Variants in SLC2A13 observed in about 807,000 individuals in gnomAD.
The protein encoded by SLC2A13 is solute carrier family 2 member 13.
In SLC2A13, 32 loss-of-function variants were observed where a neutral mutation model predicts 64.4. That is an observed-to-expected ratio of 0.50 (90% CI 0.37 to 0.67). The LOEUF is 0.67. SLC2A13 is among the 30% of genes least tolerant of loss of function. The pLI, the probability that SLC2A13 is intolerant of heterozygous loss-of-function variation, is 0.00. For missense variants in SLC2A13, 743 were observed against 829.2 expected, an observed-to-expected ratio of 0.90 and a Z score of 1.28; for synonymous variants, 338 against 327.1, an observed-to-expected ratio of 1.03 and a Z score of -0.36.
intron 6 of SLC2A13, among the ~76,000 whole-genome samples, chr12:39,833,382 A>G (rs1453869864): frequency 2.0e-5 from 3 of 152,024 alleles, no homozygotes; most frequent in Non-Finnish European, 2.9e-5. Context: ...CTCCAAGAAC[A>G]ACTGCTCTGC....
intron 4 of SLC2A13, among the ~76,000 whole-genome samples, chr12:39,936,729 C>T (rs564542813): frequency 2.0e-5 from 3 of 152,236 alleles, no homozygotes; most frequent in South Asian, 2.1e-4. Context: ...GCTAAAGGCT[C>T]GGGCAGCCAA....
At chr12:39,974,066 T>TAGC (rs1367313399) in intron 3 of SLC2A13, among the ~76,000 whole-genome samples, 2 of 152,218 alleles carry the variant, frequency 1.3e-5, no homozygotes, top group Non-Finnish European at 2.9e-5. Context: ...GCAGCAGCAG[T>TAGC]AGCAGCATTA....
At chr12:39,789,782 GATTA>G (rs1431429300) in intron 7 of SLC2A13, among the ~76,000 whole-genome samples, 6 of 152,024 alleles carry the variant, frequency 3.9e-5, no homozygotes, top group African/African-American at 9.7e-5. Context: ...GCATTTTATT[GATTA>G]ATTAAGAGCT....
At chr12:40,082,084 G>A (rs1938423979) in intron 1 of SLC2A13, among the ~76,000 whole-genome samples, 1 of 152,146 alleles carries the variant, frequency 6.6e-6, no homozygotes, top group African/African-American at 2.4e-5. Flanking sequence ...CCAGTCTGCT[G>A]GTAACACTCC....
intron 3 of SLC2A13, among the ~76,000 whole-genome samples, chr12:40,019,245 T>C (rs190395534): frequency 4.6e-5 from 7 of 152,366 alleles, no homozygotes; most frequent in Admixed American, 3.9e-4. Context: ...TTGAAGTTCA[T>C]TGGCTTTTTC....
intron 4 of SLC2A13, among the ~76,000 whole-genome samples, chr12:39,891,223 T>G (rs1944601136): frequency 6.6e-6 from 1 of 150,902 alleles, no homozygotes; most frequent in Non-Finnish European, 1.5e-5. Context: ...ATTTCCAACC[T>G]TCTGCTGAGC....
chr12:39,835,546 T>A (rs569746324), intron 6 of SLC2A13: 1 of 152,270 alleles, frequency 6.6e-6, no homozygotes, highest in East Asian at 1.9e-4. Context: ...TCCTTATTGA[T>A]ACACAGTTTA....
At chr12:39,835,477 T>TAC (rs1370695025) in intron 6 of SLC2A13, among the ~76,000 whole-genome samples, 1 of 152,124 alleles carries the variant, frequency 6.6e-6, no homozygotes, top group East Asian at 1.9e-4. Context: ...TGAAGATATT[T>TAC]ACATAAGGAC....
chr12:39,899,003 G>A (rs1303731588), intron 4 of SLC2A13, among the ~76,000 whole-genome samples: 1 of 152,134 alleles, frequency 6.6e-6, no homozygotes, highest in Non-Finnish European at 1.5e-5. Flanking sequence ...CATAAAATGA[G>A]TTAGGGAGGA....
chr12:39,771,479 G>T (rs1469184021), intron 7 of SLC2A13, among the ~76,000 whole-genome samples: 1 of 152,106 alleles, frequency 6.6e-6, no homozygotes, highest in African/African-American at 2.4e-5. Flanking sequence ...GAAGTCCTCA[G>T]CACAAAACCA....
At chr12:40,101,803 G>C (rs1182208244) in intron 1 of SLC2A13, among the ~76,000 whole-genome samples, 5 of 151,380 alleles carry the variant, frequency 3.3e-5, no homozygotes, top group Non-Finnish European at 7.4e-5. Context: ...TAGGGTAACA[G>C]AGCAAAAGAC....
chr12:40,094,793 T>C (rs1938882895), intron 1 of SLC2A13, among the ~76,000 whole-genome samples: 1 of 152,238 alleles, frequency 6.6e-6, no homozygotes, highest in Non-Finnish European at 1.5e-5. Context: ...AATTACAGCA[T>C]GTGTCCATGC....
At chr12:39,829,392 C>CTTTTTTCTTTTTT (rs1942787190) in intron 7 of SLC2A13, 1 of 65,796 alleles carries the variant, frequency 1.5e-5, no homozygotes, top group Admixed American at 2.3e-4. Context: ...GATAGTAATT[C>CTTTTTTCTTTTTT]TTTTTTTTTT....
At chr12:39,876,235 G>A (rs1944181276) in intron 4 of SLC2A13, among the ~76,000 whole-genome samples, 1 of 152,120 alleles carries the variant, frequency 6.6e-6, no homozygotes. Flanking sequence ...GTGACACTCA[G>A]CTTCCAGTCC....
At chr12:39,909,135 A>G (rs1945365578) in intron 4 of SLC2A13, among the ~76,000 whole-genome samples, 1 of 152,104 alleles carries the variant, frequency 6.6e-6, no homozygotes, top group Non-Finnish European at 1.5e-5. Flanking sequence ...AGTTGAAAAA[A>G]TGAATATTTT....
chr12:39,807,264 A>G (rs1211163978), intron 7 of SLC2A13, among the ~76,000 whole-genome samples: 2 of 152,196 alleles, frequency 1.3e-5, no homozygotes, highest in Non-Finnish European at 2.9e-5. Flanking sequence ...CCCTGTGGTA[A>G]CAGAACTATA....
chr12:39,876,012 A>G (rs980143383), intron 4 of SLC2A13, among the ~76,000 whole-genome samples: 1 of 152,206 alleles, frequency 6.6e-6, no homozygotes, highest in Non-Finnish European at 1.5e-5. Context: ...TCCTTTTTAG[A>G]CTCAAAGCAG....
At chr12:40,019,107 G>GT (rs1947669356) in intron 3 of SLC2A13, among the ~76,000 whole-genome samples, 1 of 152,156 alleles carries the variant, frequency 6.6e-6, no homozygotes, top group Non-Finnish European at 1.5e-5. Flanking sequence ...AGTTGACACT[G>GT]TTACTCTGGC....
chr12:39,850,198 C>T (rs1041311176), intron 6 of SLC2A13, among the ~76,000 whole-genome samples: 10 of 151,896 alleles, frequency 6.6e-5, no homozygotes, highest in Non-Finnish European at 1.5e-4. Flanking sequence ...CTACTGGAAC[C>T]GAAAAGGAGT....
Sources: gnomAD v4.1 joint callset for allele counts (sites outside exome capture counted in the v4.1 genomes callset) on GRCh38, gnomAD v4.1.1 for gene constraint, MANE v1.5 for transcripts, NCBI Gene and HGNC (gene_info 2026-07-23, HGNC 2026-07-21) for gene names.